Variants in TRABD2B observed in about 807,000 individuals in gnomAD.
The protein encoded by TRABD2B is metalloprotease TIKI2.
TRABD2B carries 14 observed loss-of-function variants against 40.1 expected under a neutral mutation model. The observed-to-expected ratio is 0.35, with a 90% CI of 0.23 to 0.55. The LOEUF is 0.55. Ranked by LOEUF, TRABD2B falls within the 20% of genes least tolerant of loss-of-function variation. The pLI, the probability that TRABD2B is intolerant of heterozygous loss-of-function variation, is 0.90. For synonymous variants in TRABD2B, 263 were observed against 277.0 expected, an observed-to-expected ratio of 0.95 and a Z score of 0.50; for missense variants, 541 against 648.6, an observed-to-expected ratio of 0.83 and a Z score of 1.80.
chr1:47,955,302 C>T (rs2148392647), intron 2 of TRABD2B, among the ~76,000 whole-genome samples: 1 of 152,330 alleles, frequency 6.6e-6, no homozygotes, highest in Non-Finnish European at 1.5e-5. Context: ...CTTCCCCAGT[C>T]CCTTTCTCCT....
At chr1:47,957,934 A>T (rs1366175181) in intron 2 of TRABD2B, among the ~76,000 whole-genome samples, 2 of 152,230 alleles carry the variant, frequency 1.3e-5, no homozygotes, top group African/African-American at 4.8e-5. Flanking sequence ...GAAATGAGGG[A>T]AGAAATGTTA....
At chr1:47,835,004 G>C (rs572455733) in intron 2 of TRABD2B, among the ~76,000 whole-genome samples, 13 of 152,058 alleles carry the variant, frequency 8.5e-5, no homozygotes, top group South Asian at 4.1e-4. Flanking sequence ...ATATGATCAA[G>C]GAACTAGGAA....
At chr1:47,976,289 G>C (rs955034623) in intron 2 of TRABD2B, among the ~76,000 whole-genome samples, 11 of 152,154 alleles carry the variant, frequency 7.2e-5, no homozygotes, top group African/African-American at 2.4e-4. Context: ...GAGGCCTGCA[G>C]GGTTTGTAGA....
chr1:47,899,486 C>A (rs182319509), intron 2 of TRABD2B, among the ~76,000 whole-genome samples: 2 of 152,194 alleles, frequency 1.3e-5, no homozygotes, highest in African/African-American at 4.8e-5. Flanking sequence ...CACTCCATTA[C>A]ATACAATGCC....
At chr1:47,887,004 G>A (rs1314874799) in intron 2 of TRABD2B, among the ~76,000 whole-genome samples, 1 of 151,690 alleles carries the variant, frequency 6.6e-6, no homozygotes, top group Non-Finnish European at 1.5e-5. Context: ...AGGAAGGCTG[G>A]GTTCTAGCTC....
At position 47,852,268 on chromosome 1, in the gene TRABD2B, G is replaced by A. The variant is rs185953704; in HGVS notation, c.667-50649C>T. ...TTGGGGCAGAGTCCCTTGGTAAGGC[G>A]TGCGGAGCTCCTGGCCCCATGGAGC... On this transcript the variant is annotated intron_variant, in intron 2 of 6. Transcript: ENST00000606738. 1.8e-3 allele frequency among the ~76,000 whole-genome samples: 277 copies of A among 152,282 alleles called. 1 individual carries two copies. The highest frequency in any genetic ancestry group is 0.014 in the Middle Eastern group (4 of 294).
chr1:47,979,322 T>C (rs909050697), intron 2 of TRABD2B, among the ~76,000 whole-genome samples: 7 of 152,212 alleles, frequency 4.6e-5, no homozygotes, highest in Non-Finnish European at 1.0e-4. Context: ...CCCAGATTCA[T>C]TCTACGAGGT....
chr1:47,932,113 C>G (rs935105209), intron 2 of TRABD2B, among the ~76,000 whole-genome samples: 1 of 152,168 alleles, frequency 6.6e-6, no homozygotes, highest in Non-Finnish European at 1.5e-5. Context: ...ATGCCTGGTG[C>G]ACATCCAAGA....
At chr1:47,855,395 T>C (rs1643880705) in intron 2 of TRABD2B, among the ~76,000 whole-genome samples, 1 of 152,274 alleles carries the variant, frequency 6.6e-6, no homozygotes, top group African/African-American at 2.4e-5. Context: ...TATCCTTGTC[T>C]GCATTTTTAC....
chr1:47,838,671 G>C (rs1276592715), intron 2 of TRABD2B, among the ~76,000 whole-genome samples: 1 of 152,220 alleles, frequency 6.6e-6, no homozygotes, highest in Admixed American at 6.5e-5. Flanking sequence ...AGGAGACGCA[G>C]TGTAAACCAC....
intron 2 of TRABD2B, among the ~76,000 whole-genome samples, chr1:47,964,872 G>T (rs1645575694): frequency 6.6e-6 from 1 of 151,916 alleles, no homozygotes; most frequent in Non-Finnish European, 1.5e-5. Context: ...AGACCCCTTG[G>T]AAGCCCTGCC....
At chr1:47,862,438 A>C (rs182120751) in intron 2 of TRABD2B, among the ~76,000 whole-genome samples, 1 of 152,342 alleles carries the variant, frequency 6.6e-6, no homozygotes, top group African/African-American at 2.4e-5. Flanking sequence ...CCTATTTACC[A>C]GCAATAATGA....
intron 4 of TRABD2B, among the ~76,000 whole-genome samples, chr1:47,790,027 T>A (rs1644649820): frequency 6.6e-6 from 1 of 152,214 alleles, no homozygotes; most frequent in Non-Finnish European, 1.5e-5. Flanking sequence ...GACTTTTATC[T>A]GCTTCCCACC....
intron 2 of TRABD2B, among the ~76,000 whole-genome samples, chr1:47,879,516 G>C (rs2124619132): frequency 6.6e-6 from 1 of 152,282 alleles, no homozygotes; most frequent in South Asian, 2.1e-4. Context: ...GTTTGTGCAA[G>C]TACACTCTAT....
chr1:47,981,318 T>A (rs528206422), intron 2 of TRABD2B, among the ~76,000 whole-genome samples: 3 of 152,204 alleles, frequency 2.0e-5, no homozygotes, highest in Middle Eastern at 3.4e-3. Flanking sequence ...CCGGCCACAT[T>A]CTCTCTTTTC....
chr1:47,873,586 C>G (rs1267294901), intron 2 of TRABD2B, among the ~76,000 whole-genome samples: 1 of 152,152 alleles, frequency 6.6e-6, no homozygotes, highest in Non-Finnish European at 1.5e-5. Flanking sequence ...TTGGCTGCAT[C>G]ATCTTCCAGA....
chr1:47,990,292 G>T (rs1274204262), intron 2 of TRABD2B, among the ~76,000 whole-genome samples: 1 of 152,194 alleles, frequency 6.6e-6, no homozygotes. Flanking sequence ...CATGCAGGGA[G>T]TTGAAGGGGA....
intron 2 of TRABD2B, among the ~76,000 whole-genome samples, chr1:47,979,873 G>T (rs567897960): frequency 1.3e-5 from 2 of 152,144 alleles, no homozygotes; most frequent in African/African-American, 2.4e-5. Context: ...TGTCCCAGAA[G>T]CTGGGAACCC....
intron 2 of TRABD2B, among the ~76,000 whole-genome samples, chr1:47,878,868 A>G (rs1041286129): frequency 2.0e-5 from 3 of 152,140 alleles, no homozygotes; most frequent in Admixed American, 1.3e-4. Flanking sequence ...AGGCTGAGGT[A>G]GGAGAATTGC....
Sources: gnomAD v4.1 joint callset for allele counts (sites outside exome capture counted in the v4.1 genomes callset) on GRCh38, gnomAD v4.1.1 for gene constraint, MANE v1.5 for transcripts, NCBI Gene and HGNC (gene_info 2026-07-23, HGNC 2026-07-21) for gene names.